Variants in SMARCB1 observed in about 807,000 individuals in gnomAD.
The protein encoded by SMARCB1 is SWI/SNF related BAF chromatin remodeling complex subunit B1, also known as SWI/SNF-related matrix-associated actin-dependent regulator of chromatin subfamily B member 1.
Under a neutral mutation model 49.0 loss-of-function variants are expected in SMARCB1, and 5 were observed. The ratio of observed to expected loss-of-function variants is 0.10; its 90% CI spans 0.05 to 0.21. The LOEUF (loss-of-function observed/expected upper bound fraction) is 0.21. Among genes scored for constraint, SMARCB1 ranks in the 10% least tolerant of loss-of-function variants. The pLI is 1.00. For missense variants in SMARCB1, 226 were observed against 509.2 expected, an observed-to-expected ratio of 0.44 and a Z score of 5.35; for synonymous variants, 201 against 200.1, an observed-to-expected ratio of 1.00 and a Z score of -0.04.
chr22:23,802,273 C>G (rs1929205970), intron 4 of SMARCB1: 1 of 152,770 alleles, frequency 6.5e-6, no homozygotes, highest in Non-Finnish European at 1.5e-5. Context: ...GCCCCACTCA[C>G]CCTGCCTCAG....
chr22:23,801,225 G>A (rs1929135529), intron 4 of SMARCB1, 144 bp downstream of exon 4: 2 of 1,178,770 alleles, frequency 1.7e-6, no homozygotes, highest in Admixed American at 2.0e-5. Context: ...CCTTTGAACT[G>A]TTGTGTTTCC....
intron 7 of SMARCB1, among the ~76,000 whole-genome samples, chr22:23,827,499 C>T (rs1374215749): frequency 6.6e-6 from 1 of 152,190 alleles, no homozygotes; most frequent in Non-Finnish European, 1.5e-5. Flanking sequence ...CGGGCCCCTT[C>T]TTTATCTCAT....
In SMARCB1 at chr22:23,787,053, C is replaced by A; in HGVS notation, c.-117C>A. On this transcript the variant is annotated 5_prime_UTR_variant, in exon 1 of 9. Coordinates refer to ENST00000644036, the MANE Select transcript of SMARCB1 (RefSeq NM_003073.5). ...GCCCGGCTGAGGCGCCAGTACCCGG[C>A]CCGGTCCGCATTTCGCCTTCCGGCT... 1 of 686,462 alleles carries A rather than the reference C, an allele frequency of 1.5e-6. No homozygotes were observed. Among genetic ancestry groups the A allele is most frequent in the Admixed American group, 2.4e-5 (1 of 42,438 alleles). The allele number at this position is 686,462 out of a possible 1,614,324, so 42.5% of individuals were successfully genotyped here.
rs202066483 is a variant in SMARCB1, at chr22:23,836,934, C to T, written c.*2754C>T. ...TCAGGGAGGGGCAGGTAATTGGGGT[C>T]TTCTGCAGGGGCATCCAGGAGCAGC... On this transcript the variant is annotated 3_prime_UTR_variant, in exon 9 of 9. Transcript: ENST00000644036. 175 of 1,568,206 alleles carry T rather than the reference C, an allele frequency of 1.1e-4. 1 individual carries two copies. Among genetic ancestry groups the T allele is most frequent in the Non-Finnish European group, 3.4e-5 (39 of 1,158,984 alleles).
At position 23,835,336 on chromosome 22, in the gene SMARCB1, A is replaced by C. The variant is rs1005469657; in HGVS notation, c.*1156A>C. On this transcript the variant is annotated 3_prime_UTR_variant, in exon 9 of 9. Transcript: ENST00000644036. ...GAAGAGAATGGGCACAGATCCGGGC[A>C]CAGATCCCAGCACAGACTGCTGCCA... 8 of 1,003,018 alleles carry C rather than the reference A, an allele frequency of 8.0e-6. No homozygotes were observed. Among genetic ancestry groups the C allele is most frequent in the South Asian group, 4.6e-5 (1 of 21,812 alleles). The allele number at this position is 1,003,018 out of a possible 1,614,324, so 62.1% of individuals were successfully genotyped here.
Position 23,837,293 on chromosome 22 carries a change from G to A in SMARCB1, c.*3113G>A, listed in dbSNP as rs968796765. 7.0e-6 allele frequency: 8 copies of A among 1,147,728 alleles called. No homozygotes were observed. In the African/African-American group the frequency reaches 1.1e-4, roughly 16 times the overall value. The allele number at this position is 1,147,728 out of a possible 1,614,324, so 71.1% of individuals were successfully genotyped here. On this transcript the variant is annotated 3_prime_UTR_variant, in exon 9 of 9. Coordinates refer to ENST00000644036, the MANE Select transcript of SMARCB1 (RefSeq NM_003073.5). ...TGAGTGCCCCAAAGCCTTGCACAGA[G>A]TGCCAGCCCCGGGTTGGCCGTGAAG...
intron 6 of SMARCB1, chr22:23,824,884 G>A (rs1248099907): frequency 9.5e-6 from 4 of 418,854 alleles, no homozygotes; most frequent in East Asian, 4.8e-5. Context: ...ACGTAAGACC[G>A]ATGGCAGCAG....
At chr22:23,833,534 G>A in intron 7 of SMARCB1, 38 bp from the exon 8 acceptor site, 1 of 1,613,954 alleles carries the variant, frequency 6.2e-7, no homozygotes, top group Non-Finnish European at 8.5e-7. Context: ...ATCTATAGCT[G>A]GAAAAGTCAT....
chr22:23,815,839 C>T (rs1930161488), intron 5 of SMARCB1: 1 of 152,220 alleles, frequency 6.6e-6, no homozygotes, highest in South Asian at 2.1e-4. Context: ...TGGAATTTCT[C>T]TGTGTTGTTT....
intron 5 of SMARCB1, among the ~76,000 whole-genome samples, chr22:23,811,494 A>G (rs1348699330): frequency 6.6e-6 from 1 of 152,272 alleles, no homozygotes; most frequent in Non-Finnish European, 1.5e-5. Flanking sequence ...ATGGATCATA[A>G]AACAAGTTTT....
chr22:23,789,382 G>A lies in SMARCB1; in HGVS notation c.93+2120G>A, dbSNP rs34666705. 4.6e-5 allele frequency among the ~76,000 whole-genome samples: 7 copies of A among 152,322 alleles called. No individual in the cohort carries two copies. The East Asian group carries it at 1.2e-3, about 25-fold the overall frequency. On this transcript the variant is annotated intron_variant, in intron 1 of 8. Transcript: ENST00000644036. ...GCGAGTTGTTTACCTGATCTAATGG[G>A]TGTAAAAGTAATCAGTTTGGCTCTA... is the stretch of plus-strand genomic sequence containing the variant.
At chr22:23,818,139 T>TGTGTGA (rs1568953141) in intron 6 of SMARCB1, 1 of 1,282 alleles carries the variant, frequency 7.8e-4, no homozygotes, top group Non-Finnish European at 1.7e-3. Flanking sequence ...ATACTTTGGG[T>TGTGTGA]GTGTGTGTGT....
chr22:23,816,413 A>C, intron 5 of SMARCB1: 1 of 449,342 alleles, frequency 2.2e-6, no homozygotes, highest in Non-Finnish European at 4.1e-6. Context: ...CACAGAGGGG[A>C]GTAGAGAGAT....
intron 5 of SMARCB1, chr22:23,816,529 T>C (rs1295643689): frequency 4.9e-6 from 3 of 610,682 alleles, no homozygotes; most frequent in Admixed American, 5.5e-5. Flanking sequence ...GGGAAGTGTT[T>C]ATGGCCATGA....
At chr22:23,799,257 C>T (rs1282175655) in intron 3 of SMARCB1, among the ~76,000 whole-genome samples, 1 of 151,744 alleles carries the variant, frequency 6.6e-6, no homozygotes, top group Non-Finnish European at 1.5e-5. Flanking sequence ...AGCCCTGGAG[C>T]CTTAGTTTAA....
chr22:23,800,699 G>T (rs959566200), intron 3 of SMARCB1, among the ~76,000 whole-genome samples: 1 of 152,180 alleles, frequency 6.6e-6, no homozygotes, highest in Non-Finnish European at 1.5e-5. Context: ...CTGGCTCATA[G>T]TGCAGTACAC....
At chr22:23,801,609 GCTT>G in intron 4 of SMARCB1, 1 of 345,452 alleles carries the variant, frequency 2.9e-6, no homozygotes, top group East Asian at 7.5e-5. Context: ...TTCGGTCCTT[GCTT>G]CTTCCAGCTT....
At chr22:23,793,079 C>A (rs952464920) in intron 2 of SMARCB1, 4 of 250,474 alleles carry the variant, frequency 1.6e-5, no homozygotes, top group African/African-American at 8.8e-5. Flanking sequence ...TTCCAACTCT[C>A]TGGGCTCTTG....
intron 7 of SMARCB1, 101 bp from the exon 8 acceptor site, chr22:23,833,471 C>A: frequency 6.5e-7 from 1 of 1,533,700 alleles, no homozygotes; most frequent in Non-Finnish European, 9.0e-7. Flanking sequence ...GCCAGCAGTG[C>A]TGCTGGGAGG....
Sources: allele counts gnomAD v4.1 joint callset (sites outside exome capture counted in the v4.1 genomes callset), GRCh38; gene constraint gnomAD v4.1.1; transcripts MANE v1.5; gene names NCBI Gene and HGNC (gene_info 2026-07-23, HGNC 2026-07-21).